CLDN16: variants seen among roughly 807,000 people sequenced by gnomAD.
The protein encoded by CLDN16 is claudin-16.
Under a neutral mutation model 24.6 loss-of-function variants are expected in CLDN16, and 13 were observed. The observed-to-expected ratio is 0.53, with a 90% CI of 0.34 to 0.84. The LOEUF (loss-of-function observed/expected upper bound fraction) is 0.84. Among genes scored for constraint, CLDN16 ranks in the 40% least tolerant of loss-of-function variants. CLDN16 has a pLI of 0.01. For synonymous variants in CLDN16, 116 were observed against 106.7 expected (o/e 1.09, Z -0.54); for missense variants, 298 against 292.7 (o/e 1.02, Z -0.13).
At chr3:190,311,145 C>G in the CLDN16 span, among the ~76,000 whole-genome samples, 10 of 152,244 alleles carry the variant, frequency 6.6e-5, no homozygotes, top group East Asian at 1.9e-3. Flanking sequence ...TGCGAATGGT[C>G]TTGAACTTGT....
intron 1 of CLDN16, among the ~76,000 whole-genome samples, chr3:190,348,469 CTG>C (rs1367238468): frequency 2.0e-5 from 3 of 151,790 alleles, no homozygotes; most frequent in African/African-American, 7.3e-5. Flanking sequence ...CTTAGAGAGA[CTG>C]TGCAGAGTGA....
intron 1 of CLDN16, among the ~76,000 whole-genome samples, chr3:190,362,686 A>T (rs1282202239): frequency 6.6e-6 from 1 of 151,978 alleles, no homozygotes; most frequent in Non-Finnish European, 1.5e-5. Flanking sequence ...ATTTTCAGTA[A>T]ATAAAAAATT....
chr3:190,347,641 A>C (rs576605655), intron 1 of CLDN16, among the ~76,000 whole-genome samples: 2 of 152,352 alleles, frequency 1.3e-5, no homozygotes, highest in South Asian at 4.1e-4. Context: ...GGGGAGACAG[A>C]TAATAAACAA....
intron 2 of CLDN16, among the ~76,000 whole-genome samples, chr3:190,404,115 T>C (rs907898702): frequency 1.3e-5 from 2 of 152,124 alleles, no homozygotes; most frequent in African/African-American, 2.4e-5. Flanking sequence ...ATAAAACCCA[T>C]ATGGCCTAAT....
the CLDN16 span, among the ~76,000 whole-genome samples, chr3:190,292,846 A>G: frequency 1.3e-5 from 2 of 152,080 alleles, no homozygotes; most frequent in African/African-American, 4.8e-5. Flanking sequence ...TGTCCACATC[A>G]CTATCAGCAT....
chr3:190,353,045 G>A (rs7431797), intron 1 of CLDN16, among the ~76,000 whole-genome samples: 141,482 of 152,106 alleles, frequency 0.93, 65,802 homozygotes, highest in East Asian at 1. Flanking sequence ...CCAATAGTAA[G>A]TGTTCATTAA....
intron 2 of CLDN16, among the ~76,000 whole-genome samples, chr3:190,371,232 C>T (rs1435292242): frequency 6.6e-6 from 1 of 150,782 alleles, no homozygotes; most frequent in African/African-American, 2.4e-5. Flanking sequence ...ATAATATATA[C>T]ATATTTAATC....
chr3:190,297,963 C>A, the CLDN16 span, among the ~76,000 whole-genome samples: 36 of 151,852 alleles, frequency 2.4e-4, no homozygotes, highest in Middle Eastern at 3.4e-3. Context: ...TGATGGACAG[C>A]AACGTGGCCA....
At chr3:190,297,659 T>C in the CLDN16 span, among the ~76,000 whole-genome samples, 1 of 141,908 alleles carries the variant, frequency 7.0e-6, no homozygotes, top group Non-Finnish European at 1.5e-5. Context: ...ATATTATATA[T>C]CTATACATAG....
At chr3:190,394,207 T>C (rs911412303) in intron 1 of CLDN16, among the ~76,000 whole-genome samples, 1 of 152,216 alleles carries the variant, frequency 6.6e-6, no homozygotes, top group Admixed American at 6.5e-5. Flanking sequence ...CTACAAGATA[T>C]GCAATTCTTA....
intron 3 of CLDN16, among the ~76,000 whole-genome samples, chr3:190,375,245 T>C (rs913749986): frequency 6.6e-6 from 1 of 151,984 alleles, no homozygotes; most frequent in Non-Finnish European, 1.5e-5. Flanking sequence ...AATAACTTAC[T>C]GACAGCATTT....
chr3:190,396,714 G>T (rs1190667112), intron 1 of CLDN16, among the ~76,000 whole-genome samples: 2 of 152,122 alleles, frequency 1.3e-5, no homozygotes, highest in Non-Finnish European at 2.9e-5. Flanking sequence ...TATTTTAAAT[G>T]CTATAATAAT....
At chr3:190,400,570 A>G (rs1415773019) in intron 1 of CLDN16, among the ~76,000 whole-genome samples, 2 of 152,240 alleles carry the variant, frequency 1.3e-5, no homozygotes, top group African/African-American at 2.4e-5. Flanking sequence ...GAGTAAAAAT[A>G]TGCAATGTTT....
chr3:190,307,115 TA>T, the CLDN16 span: 1 of 152,640 alleles, frequency 6.6e-6, no homozygotes, highest in South Asian at 2.1e-4. Flanking sequence ...TCTAACTGGT[TA>T]AGTATCATTA....
rs1003409887 is a variant in CLDN16, at chr3:190,335,106, C to A, written n.121+12445C>A. Among the ~76,000 whole-genome samples, 16 of 148,784 alleles carry A rather than the reference C, an allele frequency of 1.1e-4. 2 individuals carry two copies. The South Asian group carries it at 3.2e-3, about 30-fold the overall frequency. ...TTGCCCTGGCTAGAGTGCAGTGGCA[C>A]GATCTTAACTCACTGCAACCTATGG... On this transcript the variant is annotated intron_variant and non_coding_transcript_variant, in intron 1 of 4. Transcript: ENST00000468220.
At chr3:190,373,934 A>T (rs915006116) in intron 2 of CLDN16, among the ~76,000 whole-genome samples, 3 of 151,712 alleles carry the variant, frequency 2.0e-5, no homozygotes, top group Admixed American at 1.3e-4. Context: ...CAAGTAAAAG[A>T]CTCATCTTAC....
chr3:190,390,690 G>A (rs752704928), intron 1 of CLDN16, among the ~76,000 whole-genome samples: 10 of 152,136 alleles, frequency 6.6e-5, no homozygotes, highest in Non-Finnish European at 1.2e-4. Flanking sequence ...CCACAAATTT[G>A]AAGGTTCTGA....
intron 3 of CLDN16, among the ~76,000 whole-genome samples, chr3:190,381,217 T>A (rs1433099171): frequency 6.6e-6 from 1 of 152,096 alleles, no homozygotes; most frequent in Non-Finnish European, 1.5e-5. Context: ...GATTAGAACT[T>A]GTTTTTATTA....
At chr3:190,350,874 C>G (rs185216218) in intron 1 of CLDN16, among the ~76,000 whole-genome samples, 1 of 152,154 alleles carries the variant, frequency 6.6e-6, no homozygotes, top group Non-Finnish European at 1.5e-5. Context: ...TATAGACAAT[C>G]TTTCCTCGCA....
Sources: gnomAD v4.1 joint callset for allele counts (sites outside exome capture counted in the v4.1 genomes callset) on GRCh38, gnomAD v4.1.1 for gene constraint, MANE v1.5 for transcripts, NCBI Gene and HGNC (gene_info 2026-07-23, HGNC 2026-07-21) for gene names.